MNT: variants seen among roughly 807,000 people sequenced by gnomAD.
The protein encoded by MNT is MAX network transcriptional repressor.
In MNT, 13 loss-of-function variants were observed where a neutral mutation model predicts 40.7. The ratio of observed to expected loss-of-function variants is 0.32; its 90% CI spans 0.21 to 0.51. The LOEUF is 0.51. MNT is among the 20% of genes least tolerant of loss of function. MNT has a pLI of 0.98. For missense variants in MNT, 757 were observed against 792.0 expected (o/e 0.96, Z 0.53); for synonymous variants, 426 against 354.8 (o/e 1.20, Z -2.26).
rs1385087163 is a variant in MNT at position 2,387,522 on chromosome 17, C to T, written c.1128G>A (p.Ala376=). ...STLPPPSTTP[A]PLPPHPHPHP... Reference sequence around the variant, plus strand: ...GAGGGTGTGGGTGTGGAGGCAGAGGCGCAGGGGTGGTGCTGGGGGGTGGCA... The same window carrying T: ...GAGGGTGTGGGTGTGGAGGCAGAGGTGCAGGGGTGGTGCTGGGGGGTGGCA... The change falls in exon 6 of 6, where the codon GCG becomes GCA. Residue 376 remains alanine (A), a synonymous_variant. Coordinates refer to ENST00000174618, the MANE Select transcript of MNT (RefSeq NM_020310.3). 17 of 1,612,178 alleles carry T rather than the reference C, an allele frequency of 1.1e-5. No individual in the cohort carries two copies. Among genetic ancestry groups the T allele is most frequent in the South Asian group, 4.4e-5 (4 of 90,996 alleles).
At chr17:2,387,756 G>C in intron 5 of MNT, 101 bp downstream of exon 5, 1 of 1,547,482 alleles carries the variant, frequency 6.5e-7, no homozygotes, top group East Asian at 2.3e-5. Flanking sequence ...TGGGGCCAGG[G>C]CCATCTTTTC....
intron 2 of MNT, among the ~76,000 whole-genome samples, chr17:2,394,652 G>A (rs2066560144): frequency 6.6e-6 from 1 of 152,162 alleles, no homozygotes; most frequent in Non-Finnish European, 1.5e-5. Flanking sequence ...AGAGGCCTGG[G>A]AATGCCATAA....
At position 2,395,450 on chromosome 17, in the gene MNT, C is replaced by T; in HGVS notation, c.78G>A (p.Glu26=). ...QAQQQQRARE[E]QERLRLEQER... ...CCTGCTCCAAGCGAAGCCGCTCCTG[C>T]TCCTCTACACAGAGAGAACACAAGG... The change falls in exon 2 of 6, where the codon GAG becomes GAA. Residue 26 remains glutamate, a synonymous_variant. Transcript: ENST00000174618. The T allele has an allele frequency of 6.2e-7, 1 of 1,612,110 alleles. No individual in the cohort carries two copies. Among genetic ancestry groups the T allele is most frequent in the South Asian group, 1.1e-5 (1 of 91,072 alleles).
chr17:2,388,747 T>C (rs1236008786), intron 4 of MNT, among the ~76,000 whole-genome samples: 1 of 152,084 alleles, frequency 6.6e-6, no homozygotes, highest in African/African-American at 2.4e-5. Context: ...GGCTGTTGCG[T>C]CCCATGACCC....
Position 2,400,939 on chromosome 17 carries a change from C to CA in MNT, c.-228dup, listed in dbSNP as rs755785772. 0.031 allele frequency: 7,687 copies of CA among 245,440 alleles called. 47 individuals are homozygous for CA. The highest frequency in any genetic ancestry group is 0.035 in the African/African-American group (1,316 of 37,650). The allele number at this position is 245,440 out of a possible 1,614,324, so 15.2% of individuals were successfully genotyped here. A position where few individuals can be genotyped will look rare whatever the true frequency, so the allele number is the denominator to read the frequency against. The stretch of plus-strand genomic sequence containing the variant: ...ATTGCAAATTTAAAAAAATGGGATG[C>CA]AAAAAAAAAAAAAAGGCGGCACTGC... On this transcript the variant is annotated 5_prime_UTR_variant, in exon 1 of 6. Transcript: ENST00000174618.
chr17:2,400,505 G>T, intron 1 of MNT, 135 bp downstream of exon 1: 1 of 733,090 alleles, frequency 1.4e-6, no homozygotes, highest in Non-Finnish European at 2.1e-6. Flanking sequence ...GGCGGCTCTC[G>T]CGGGGAGCCG....
intron 1 of MNT, among the ~76,000 whole-genome samples, chr17:2,397,445 T>C (rs946339660): frequency 6.6e-6 from 1 of 152,108 alleles, no homozygotes; most frequent in Non-Finnish European, 1.5e-5. Flanking sequence ...CCTTGAGACA[T>C]GGACTCCACT....
In MNT at chr17:2,386,890, T is replaced by C. The variant is rs946767297; in HGVS notation, c.*11A>G. 3.4e-6 allele frequency: 5 copies of C among 1,454,954 alleles called. No homozygotes were observed. The highest frequency in any genetic ancestry group is 4.5e-6 in the Non-Finnish European group (5 of 1,101,062). The allele number at this position is 1,454,954 out of a possible 1,614,324, so 90.1% of individuals were successfully genotyped here. On this transcript the variant is annotated 3_prime_UTR_variant, in exon 6 of 6. Transcript: ENST00000174618. The stretch of plus-strand genomic sequence containing the variant: ...CCTGTCCCCACTGGGGGCCTCTGAG[T>C]GGCCTCGTCCTCAAGCCAGCTTGAG...
Position 2,395,436 on chromosome 17 carries a change from C to A in MNT, c.92G>T (p.Arg31Leu). 1 of 1,612,384 alleles carries A rather than the reference C, an allele frequency of 6.2e-7. No homozygotes were observed. Among genetic ancestry groups the A allele is most frequent in the Non-Finnish European group, 8.5e-7 (1 of 1,179,570 alleles). ...TTCCTGCTCTCGCTCCTGCTCCAAG[C>A]GAAGCCGCTCCTGCTCCTCTACACA... ...QRAREEQERL[R>L]LEQEREQEQK... is the part of the protein sequence containing the mutation. The change falls in exon 2 of 6, where the codon CGC becomes CTC. Residue 31 changes from arginine (R) to leucine (L), a missense_variant. Arg to Leu is a moderately radical substitution (Grantham distance 102). Coordinates refer to ENST00000174618, the MANE Select transcript of MNT (RefSeq NM_020310.3).
chr17:2,387,657 G>A lies in MNT; in HGVS notation c.1001-8C>T. The A allele has an allele frequency of 1.2e-6, 2 of 1,613,916 alleles. No homozygotes were observed. Among genetic ancestry groups the A allele is most frequent in the Non-Finnish European group, 1.7e-6 (2 of 1,179,948 alleles). On this transcript the variant is annotated splice_region_variant and splice_polypyrimidine_tract_variant and intron_variant, in intron 5 of 5. Transcript: ENST00000174618. The stretch of plus-strand genomic sequence containing the variant: ...CTATGTTGTCCTCACCCTCTGTGGG[G>A]AACATGGGGCAGGGAGCAGGTCAGA...
Position 2,387,954 on chromosome 17 carries a change from G to C in MNT, c.903C>G (p.His301Gln). Reference sequence around the variant, plus strand: ...GTACGTCCATCCACTGGCTCAGCTCGTGCTTGAGCTCTGCCAGCCGCTGCT... The same window carrying C: ...GTACGTCCATCCACTGGCTCAGCTCCTGCTTGAGCTCTGCCAGCCGCTGCT... ...ATQQRLAELK[H>Q]ELSQWMDVLE... The change falls in exon 5 of 6, where the codon CAC becomes CAG. Residue 301 changes from histidine (H) to glutamine (Q), a missense_variant. By Grantham distance (24) the His-to-Gln change is conservative. Transcript: ENST00000174618. 1 of 1,606,972 alleles carries C rather than the reference G, an allele frequency of 6.2e-7. No individual in the cohort carries two copies. Among genetic ancestry groups the C allele is most frequent in the Non-Finnish European group, 8.5e-7 (1 of 1,176,900 alleles).
chr17:2,387,029 CAGT>C lies in MNT; in HGVS notation c.1618_1620del (p.Thr540del). 1 of 1,549,850 alleles carries C rather than the reference CAGT, an allele frequency of 6.5e-7. No homozygotes were observed. Among genetic ancestry groups the C allele is most frequent in the South Asian group, 1.2e-5 (1 of 83,324 alleles). On this transcript the variant is annotated inframe_deletion, in exon 6 of 6. Coordinates refer to ENST00000174618, the MANE Select transcript of MNT (RefSeq NM_020310.3). Reference sequence around the variant, plus strand: ...GCCCCCACGGCCGGCTTTGCCATGACAGTAGCCGGGGGCCCCAGGCCGGCCGTG... The same window carrying C: ...GCCCCCACGGCCGGCTTTGCCATGACAGCCGGGGGCCCCAGGCCGGCCGTG...
chr17:2,387,337 G>A lies in MNT; in HGVS notation c.1313C>T (p.Ser438Phe). Reference protein sequence around the residue: ...AHLVATAGGGSTVIAHTATTH... With the variant: ...AHLVATAGGGFTVIAHTATTH... ...GGTGGCTGTGTGGGCGATGACCGTG[G>A]AGCCACCCCCAGCCGTCGCCACCAG... The change falls in exon 6 of 6, where the codon TCC (serine) becomes TTC (phenylalanine). Residue 438 changes from serine (S) to phenylalanine (F), a missense_variant. Around this residue, in one of 4 missense-constraint regions of MNT, gnomAD observed 345 missense variants for 380.1 expected, o/e 0.91. Coordinates refer to ENST00000174618, the MANE Select transcript of MNT (RefSeq NM_020310.3). The A allele has an allele frequency of 6.2e-7, 1 of 1,612,786 alleles. No homozygotes were observed. Among genetic ancestry groups the A allele is most frequent in the Non-Finnish European group, 8.5e-7 (1 of 1,179,672 alleles).
At chr17:2,400,520 C>T (rs1319054240) in intron 1 of MNT, 120 bp downstream of exon 1, 1 of 926,558 alleles carries the variant, frequency 1.1e-6, no homozygotes, top group Non-Finnish European at 1.5e-6. Context: ...GAGCCGTGCG[C>T]TGCCAGGCTC....
At chr17:2,400,586 G>A in intron 1 of MNT, 54 bp downstream of exon 1, 1 of 1,523,116 alleles carries the variant, frequency 6.6e-7, no homozygotes, top group Non-Finnish European at 8.8e-7. Flanking sequence ...TCGGGGACCG[G>A]GGTCACTCGC....
rs761400113 is a variant in MNT, at chr17:2,386,105, AGGGGAC to A, written c.*790_*795del. 1.3e-5 allele frequency: 2 copies of A among 152,304 alleles called. No homozygotes were observed. The highest frequency in any genetic ancestry group is 2.9e-5 in the Non-Finnish European group (2 of 68,114). The allele number at this position is 152,304 out of a possible 1,614,324, so 9.4% of individuals were successfully genotyped here. On this transcript the variant is annotated 3_prime_UTR_variant, in exon 6 of 6. Coordinates refer to ENST00000174618, the MANE Select transcript of MNT (RefSeq NM_020310.3). ...CTCCTCCCATCCAGACCCAGGCTGC[AGGGGAC>A]GGGGAAGGGGAAGGACAGCCAAGTC...
At chr17:2,397,118 C>G (rs2066583727) in intron 1 of MNT, among the ~76,000 whole-genome samples, 1 of 152,196 alleles carries the variant, frequency 6.6e-6, no homozygotes, top group African/African-American at 2.4e-5. Context: ...AGTTCAGGGG[C>G]TGGGCCAGCC....
chr17:2,401,039 A>G lies in MNT; in HGVS notation c.-327T>C, dbSNP rs1055744798. The G allele has an allele frequency of 1.6e-4, 37 of 231,996 alleles. No individual in the cohort carries two copies. Among genetic ancestry groups the G allele is most frequent in the Non-Finnish European group, 2.6e-4 (31 of 118,656 alleles). The allele number at this position is 231,996 out of a possible 1,614,324, so 14.4% of individuals were successfully genotyped here. A position where few individuals can be genotyped will look rare whatever the true frequency, so the allele number is the denominator to read the frequency against. On this transcript the variant is annotated 5_prime_UTR_variant, in exon 1 of 6. Transcript: ENST00000174618. ...GCGGCCCCCGGGAGTCCCGCCGACAAGAAAGGGCTTTGCAACAAGATGGCG... is the reference window on the plus strand; with the variant it reads ...GCGGCCCCCGGGAGTCCCGCCGACAGGAAAGGGCTTTGCAACAAGATGGCG...
rs1349590761 is a variant in MNT, at chr17:2,395,116, G to T, written c.412C>A (p.Pro138Thr). The T allele has an allele frequency of 1.3e-6, 2 of 1,481,572 alleles. No individual in the cohort carries two copies. Among genetic ancestry groups the T allele is most frequent in the Non-Finnish European group, 1.8e-6 (2 of 1,117,716 alleles). The allele number at this position is 1,481,572 out of a possible 1,614,324, so 91.8% of individuals were successfully genotyped here. A position where few individuals can be genotyped will look rare whatever the true frequency, so the allele number is the denominator to read the frequency against. ...GGGGTGGGCACCTGCGGCCTGCTGG[G>T]CAGGGGGGCAGGCTCCTTAATGCTG... ...GLSIKEPAPLPSRPQVPTPAP... is the reference protein window; with the variant it reads ...GLSIKEPAPLTSRPQVPTPAP... The change falls in exon 2 of 6, where the codon CCC (proline) becomes ACC (threonine). Residue 138 changes from proline (P) to threonine (T), a missense_variant. Physicochemically the swap from Pro to Thr is conservative, Grantham distance 38. Around this residue, in one of 4 missense-constraint regions of MNT, gnomAD observed 335 missense variants for 291.4 expected, o/e 1.15. Transcript: ENST00000174618.
Sources: gnomAD v4.1 joint callset for allele counts (sites outside exome capture counted in the v4.1 genomes callset) on GRCh38, gnomAD v4.1.1 for gene constraint, gnomAD v4.1.1 regional missense constraint, MANE v1.5 for transcripts, NCBI Gene and HGNC (gene_info 2026-07-23, HGNC 2026-07-21) for gene names.